SEC24B: variants seen among roughly 807,000 people sequenced by gnomAD.
SEC24B encodes the protein SEC24 homolog B, COPII component.
SEC24B carries 45 observed loss-of-function variants against 142.8 expected under a neutral mutation model. The ratio of observed to expected loss-of-function variants is 0.32; its 90% CI spans 0.25 to 0.40. The LOEUF (loss-of-function observed/expected upper bound fraction) is 0.40. Ranked by LOEUF, SEC24B falls within the 10% of genes least tolerant of loss-of-function variation. The pLI is 1.00. For missense variants in SEC24B, 1,409 were observed against 1,526.8 expected, an observed-to-expected ratio of 0.92 and a Z score of 1.29; for synonymous variants, 574 against 568.2, an observed-to-expected ratio of 1.01 and a Z score of -0.15.
chr4:109,471,517 G>T (rs532178734), intron 2 of SEC24B, among the ~76,000 whole-genome samples: 1 of 152,254 alleles, frequency 6.6e-6, no homozygotes, highest in Admixed American at 6.5e-5. Context: ...ACTGTTTTAT[G>T]TTGGCAGTTT....
In SEC24B at chr4:109,520,550, A is replaced by T. The variant is rs1723495490; in HGVS notation, c.2245+66A>T. On this transcript the variant is annotated intron_variant, in intron 12 of 23. Transcript: ENST00000265175. ...TTTGAAATGGGGGCTACTTTATTTT[A>T]ATATACACCTTGCTATATGCTGTGA... The T allele has an allele frequency of 3.5e-6, 3 of 864,108 alleles. No individual in the cohort carries two copies. In the South Asian group the frequency reaches 4.1e-5, roughly 12 times the overall value. 53.5% of individuals were successfully genotyped at this position (864,108 alleles called of 1,614,324 possible).
intron 21 of SEC24B, among the ~76,000 whole-genome samples, chr4:109,533,086 G>C (rs1276344574): frequency 6.6e-6 from 1 of 152,158 alleles, no homozygotes; most frequent in African/African-American, 2.4e-5. Flanking sequence ...GAATTTAAAA[G>C]TATTTCAAGA....
At chr4:109,439,000 G>T (rs1190504101) in intron 1 of SEC24B, among the ~76,000 whole-genome samples, 6 of 152,212 alleles carry the variant, frequency 3.9e-5, no homozygotes, top group Non-Finnish European at 1.5e-5. Context: ...TTGTTGGGAG[G>T]TGAGGGGATG....
chr4:109,500,488 G>GA (rs1413229572), intron 6 of SEC24B, among the ~76,000 whole-genome samples: 1 of 148,108 alleles, frequency 6.8e-6, no homozygotes, highest in Non-Finnish European at 1.5e-5. Context: ...AGGTTGCAGT[G>GA]AGCCAAAATT....
intron 4 of SEC24B, among the ~76,000 whole-genome samples, chr4:109,490,819 A>G (rs1734946908): frequency 6.6e-6 from 1 of 152,170 alleles, no homozygotes; most frequent in African/African-American, 2.4e-5. Context: ...GTAAACTGAG[A>G]CACAGAAAAG....
intron 1 of SEC24B, among the ~76,000 whole-genome samples, chr4:109,447,166 G>A (rs1729554070): frequency 6.6e-6 from 1 of 151,974 alleles, no homozygotes; most frequent in Non-Finnish European, 1.5e-5. Flanking sequence ...CCATATACAG[G>A]GAAAAGCCTA....
At chr4:109,464,024 C>T (rs1044742238) in intron 2 of SEC24B, among the ~76,000 whole-genome samples, 3 of 152,082 alleles carry the variant, frequency 2.0e-5, no homozygotes, top group Non-Finnish European at 4.4e-5. Flanking sequence ...TTTTTTTAGC[C>T]AGAGCCCCAC....
At chr4:109,500,370 C>T (rs948049164) in intron 6 of SEC24B, among the ~76,000 whole-genome samples, 1 of 151,562 alleles carries the variant, frequency 6.6e-6, no homozygotes, top group African/African-American at 2.4e-5. Flanking sequence ...ATGGTGAAAC[C>T]CTGTCTCTAC....
intron 1 of SEC24B, among the ~76,000 whole-genome samples, chr4:109,462,003 AAC>A (rs1489809649): frequency 6.6e-6 from 1 of 152,052 alleles, no homozygotes; most frequent in Non-Finnish European, 1.5e-5. Flanking sequence ...CAGCCTGGGC[AAC>A]ACAGTGAGAG....
intron 1 of SEC24B, among the ~76,000 whole-genome samples, chr4:109,462,397 G>C (rs1225501376): frequency 6.6e-6 from 1 of 152,162 alleles, no homozygotes; most frequent in Admixed American, 6.5e-5. Flanking sequence ...TAACCTGTTG[G>C]CTGGGCTATA....
rs554442624 is a variant in SEC24B, at chr4:109,452,077, A to G, written c.134-10824A>G. On this transcript the variant is annotated intron_variant, in intron 1 of 23. Transcript: ENST00000265175. ...CATCTGGAACAGTTCCATCACCATGAAAAAAAAAAAAAGTTCTTATAGTCA... is the reference window on the plus strand; with the variant it reads ...CATCTGGAACAGTTCCATCACCATGGAAAAAAAAAAAAGTTCTTATAGTCA... Among the ~76,000 whole-genome samples the G allele has an allele frequency of 1.4e-4, 13 of 95,318 alleles. No individual in the cohort carries two copies. The East Asian group carries it at 3.3e-3, about 24-fold the overall frequency. The allele number at this position is 95,318 out of a possible 152,430, so 62.5% of individuals were successfully genotyped here. A position where few individuals can be genotyped will look rare whatever the true frequency, so the allele number is the denominator to read the frequency against.
chr4:109,511,783 C>T (rs1010645907), intron 8 of SEC24B, among the ~76,000 whole-genome samples, 174 bp from the exon 9 acceptor site: 1 of 152,174 alleles, frequency 6.6e-6, no homozygotes, highest in African/African-American at 2.4e-5. Flanking sequence ...AGGGAGAAAA[C>T]TTGATGGCTA....
chr4:109,445,206 G>A (rs955469543), intron 1 of SEC24B, among the ~76,000 whole-genome samples: 2 of 149,872 alleles, frequency 1.3e-5, no homozygotes, highest in African/African-American at 4.9e-5. Context: ...TTACAAGCAC[G>A]TCTGGCCATT....
chr4:109,514,384 T>C (rs190577507), intron 10 of SEC24B, among the ~76,000 whole-genome samples: 10 of 152,312 alleles, frequency 6.6e-5, no homozygotes, highest in South Asian at 2.1e-4. Context: ...TTATCATATC[T>C]TCTCTTTTTA....
chr4:109,440,227 T>C (rs1442264130), intron 1 of SEC24B, among the ~76,000 whole-genome samples: 1 of 152,216 alleles, frequency 6.6e-6, no homozygotes, highest in African/African-American at 2.4e-5. Flanking sequence ...TTTAGTTGTT[T>C]GCAGTGTCTT....
chr4:109,520,627 A>G (rs1723501764), intron 12 of SEC24B, 143 bp downstream of exon 12: 2 of 659,836 alleles, frequency 3.0e-6, no homozygotes, highest in African/African-American at 1.8e-5. Flanking sequence ...TTTTCTGGAA[A>G]TACTTGATTC....
chr4:109,435,766 T>C (rs1254880802), intron 1 of SEC24B, among the ~76,000 whole-genome samples: 1 of 152,194 alleles, frequency 6.6e-6, no homozygotes, highest in Non-Finnish European at 1.5e-5. Flanking sequence ...TGCTTACCAG[T>C]TGGGGACTCA....
At chr4:109,450,422 G>C (rs540967783) in intron 1 of SEC24B, among the ~76,000 whole-genome samples, 3 of 152,042 alleles carry the variant, frequency 2.0e-5, no homozygotes, top group Admixed American at 1.3e-4. Context: ...TACTTTGGGA[G>C]GCAGAGGCGG....
intron 2 of SEC24B, among the ~76,000 whole-genome samples, chr4:109,469,819 T>C (rs957886522): frequency 2.6e-5 from 4 of 152,168 alleles, no homozygotes; most frequent in Admixed American, 2.6e-4. Flanking sequence ...TTTAAAACTT[T>C]TCCTTATTGA....
Sources: allele counts gnomAD v4.1 joint callset (sites outside exome capture counted in the v4.1 genomes callset), GRCh38; gene constraint gnomAD v4.1.1; transcripts MANE v1.5; gene names NCBI Gene and HGNC (gene_info 2026-07-23, HGNC 2026-07-21).